The following RPH3AL variants were observed in gnomAD, a reference collection of about 807,000 sequenced individuals.
RPH3AL encodes rabphilin 3A like (without C2 domains).
In RPH3AL, 38 loss-of-function variants were observed where a neutral mutation model predicts 43.1. That is an observed-to-expected ratio of 0.88 (90% CI 0.68 to 1.15). The LOEUF (loss-of-function observed/expected upper bound fraction) is 1.15, where lower values mean the gene tolerates loss of function less well. Among genes scored for constraint, RPH3AL ranks in the 50% most tolerant of loss-of-function variants. The pLI, the probability that RPH3AL is intolerant of heterozygous loss-of-function variation, is 0.00. For synonymous variants in RPH3AL, 189 were observed against 176.3 expected (o/e 1.07, Z -0.57); for missense variants, 462 against 423.2 (o/e 1.09, Z -0.81).
chr17:284,363 C>A (rs1402774908), intron 5 of RPH3AL, among the ~76,000 whole-genome samples: 2 of 152,182 alleles, frequency 1.3e-5, no homozygotes, highest in Middle Eastern at 3.2e-3. Context: ...CGGTCACACC[C>A]TCCCCTGCCC....
chr17:324,788 C>T (rs1241046646), intron 3 of RPH3AL, among the ~76,000 whole-genome samples: 2 of 152,200 alleles, frequency 1.3e-5, no homozygotes, highest in African/African-American at 2.4e-5. Context: ...TGCAATGGCA[C>T]AATCTCAGCT....
intron 1 of RPH3AL, among the ~76,000 whole-genome samples, chr17:336,479 G>A (rs1017160816): frequency 6.6e-6 from 1 of 151,922 alleles, no homozygotes; most frequent in Non-Finnish European, 1.5e-5. Context: ...CGGGCACCCT[G>A]CCAGGTCTGC....
At chr17:282,367 G>A (rs1454744243) in intron 5 of RPH3AL, among the ~76,000 whole-genome samples, 14 of 152,188 alleles carry the variant, frequency 9.2e-5, no homozygotes, top group Admixed American at 2.0e-4. Context: ...CGTAAACTTT[G>A]GGCCCACGTT....
intron 5 of RPH3AL, among the ~76,000 whole-genome samples, chr17:302,502 G>A (rs1310005067): frequency 6.6e-6 from 1 of 152,224 alleles, no homozygotes; most frequent in African/African-American, 2.4e-5. Flanking sequence ...GTGCGGGGAG[G>A]AGAGAGGAAG....
At chr17:291,173 A>G (rs1477934897) in intron 5 of RPH3AL, among the ~76,000 whole-genome samples, 2 of 152,180 alleles carry the variant, frequency 1.3e-5, no homozygotes, top group Non-Finnish European at 2.9e-5. Context: ...TTATTCTAAG[A>G]ATGCCGAAAA....
At chr17:222,433 G>A (rs951136648) in intron 7 of RPH3AL, among the ~76,000 whole-genome samples, 11 of 152,176 alleles carry the variant, frequency 7.2e-5, no homozygotes, top group African/African-American at 4.8e-5. Context: ...TCACAAATGC[G>A]GAAGGGAACC....
intron 5 of RPH3AL, among the ~76,000 whole-genome samples, chr17:285,195 GT>G (rs2151611932): frequency 6.6e-6 from 1 of 151,230 alleles, no homozygotes; most frequent in East Asian, 1.9e-4. Context: ...AGAGCCCTCG[GT>G]CCCCCTGAGC....
chr17:304,161 G>GC lies in RPH3AL; in HGVS notation c.351+15258_351+15259insG. Among the ~76,000 whole-genome samples the GC allele has an allele frequency of 2.0e-5, 2 of 101,662 alleles. 1 individual carries two copies. Among genetic ancestry groups the GC allele is most frequent in the Non-Finnish European group, 4.0e-5 (2 of 49,962 alleles). 66.7% of individuals were successfully genotyped at this position (101,662 alleles called of 152,430 possible). A position where few individuals can be genotyped will look rare whatever the true frequency, so the allele number is the denominator to read the frequency against. ...AGCAGTGACCGTGTCTCAGGAAAGA[G>GC]TGGGGCAGGGAGGGAGGCTGTACTG... On this transcript the variant is annotated intron_variant, in intron 5 of 9. Coordinates refer to ENST00000331302, the MANE Select transcript of RPH3AL (RefSeq NM_006987.4).
intron 6 of RPH3AL, among the ~76,000 whole-genome samples, chr17:262,359 G>A (rs2042217252): frequency 6.6e-6 from 1 of 152,052 alleles, no homozygotes; most frequent in Non-Finnish European, 1.5e-5. Flanking sequence ...GGGATTACAG[G>A]CACCCGCCAC....
intron 6 of RPH3AL, among the ~76,000 whole-genome samples, chr17:273,351 CGTCAGGGAGAGACCCCAGCGAGGGT>C (rs2042562867): frequency 1.2e-5 from 1 of 84,320 alleles, no homozygotes; most frequent in African/African-American, 4.0e-5. Context: ...GCGAGGGTGA[CGTCAGGGAGAGACCCCAGCGAGGGT>C]GACGTCAGGG....
intron 5 of RPH3AL, among the ~76,000 whole-genome samples, chr17:293,026 C>T (rs910355706): frequency 2.6e-5 from 4 of 152,214 alleles, no homozygotes; most frequent in Non-Finnish European, 2.9e-5. Flanking sequence ...TGGCTGCTGG[C>T]GGCTCCCAGG....
At position 274,312 on chromosome 17, in the gene RPH3AL, A is replaced by ACCACCTGGGCCTCGCCTGC. The variant is rs1029818428; in HGVS notation, c.438+7437_438+7455dup. Among the ~76,000 whole-genome samples, 8 of 152,256 alleles carry ACCACCTGGGCCTCGCCTGC rather than the reference A, an allele frequency of 5.3e-5. No homozygotes were observed. Among genetic ancestry groups the ACCACCTGGGCCTCGCCTGC allele is most frequent in the African/African-American group, 1.9e-4 (8 of 41,558 alleles). ...GCGGGAGACGGGAGGCGTGCCATGGACCACCTGGGCCTCGCCTGCCCACCT... is the reference window on the plus strand; with the variant it reads ...GCGGGAGACGGGAGGCGTGCCATGGACCACCTGGGCCTCGCCTGCCCACCTGGGCCTCGCCTGCCCACCT... On this transcript the variant is annotated intron_variant, in intron 6 of 9. Transcript: ENST00000331302. This position sits in a 1 kb window ranked among gnomAD's most constrained non-coding sequence, Gnocchi z 4.7.
chr17:333,322 G>A lies in RPH3AL; in HGVS notation c.-37+437C>T, dbSNP rs950233985. ...GCGGTAGGATATTTTATCCTAAAGA[G>A]AAAACACCTTAAATTCTCACATCAG... On this transcript the variant is annotated intron_variant, in intron 2 of 9. Transcript: ENST00000331302. This position sits in a 1 kb window ranked among gnomAD's most constrained non-coding sequence, Gnocchi z 4.5. 2 of 1,279,120 alleles carry A rather than the reference G, an allele frequency of 1.6e-6. No homozygotes were observed. The highest frequency in any genetic ancestry group is 2.3e-5 in the Admixed American group (1 of 43,470). The allele number at this position is 1,279,120 out of a possible 1,614,324, so 79.2% of individuals were successfully genotyped here.
At chr17:315,103 AC>A (rs2043906513) in intron 5 of RPH3AL, among the ~76,000 whole-genome samples, 1 of 16,692 alleles carries the variant, frequency 6.0e-5, no homozygotes, top group South Asian at 2.3e-3. Context: ...AGTCCCTGTG[AC>A]CCCACCTCCA....
intron 3 of RPH3AL, among the ~76,000 whole-genome samples, chr17:324,562 G>C (rs956307725): frequency 6.6e-6 from 1 of 152,166 alleles, no homozygotes; most frequent in African/African-American, 2.4e-5. Context: ...TGGCTCCCTT[G>C]TGTTCTAGGC....
At chr17:315,398 G>A (rs1555519888) in intron 5 of RPH3AL, among the ~76,000 whole-genome samples, 1 of 143,620 alleles carries the variant, frequency 7.0e-6, no homozygotes, top group Non-Finnish European at 1.5e-5. Flanking sequence ...CCATTGACCT[G>A]TAGTCCCTGT....
rs1242855852 is a variant in RPH3AL at position 290,905 on chromosome 17, G to A, written c.352-9051C>T. Among the ~76,000 whole-genome samples, 3 of 152,138 alleles carry A rather than the reference G, an allele frequency of 2.0e-5. No homozygotes were observed. Among genetic ancestry groups the A allele is most frequent in the Admixed American group, 2.0e-4 (3 of 15,272 alleles). ...CACCATCCATGGCACAGAGAGGGCT[G>A]TTCATGAGCCTCACTCGACCGAAAA... is the stretch of plus-strand genomic sequence containing the variant. On this transcript the variant is annotated intron_variant, in intron 5 of 9. Transcript: ENST00000331302. The surrounding 1 kb of genome is among the most constrained non-coding windows in gnomAD (Gnocchi z 4.2).
intron 5 of RPH3AL, among the ~76,000 whole-genome samples, chr17:300,072 C>T (rs12947051): frequency 6.8e-4 from 25 of 36,538 alleles, no homozygotes; most frequent in Middle Eastern, 9.4e-3. Context: ...CAGAATCTCT[C>T]ACCCACTCTA....
Position 323,428 on chromosome 17 carries a change from C to G in RPH3AL, c.78-2013G>C, listed in dbSNP as rs1480570876. On this transcript the variant is annotated intron_variant, in intron 3 of 9. Coordinates refer to ENST00000331302, the MANE Select transcript of RPH3AL (RefSeq NM_006987.4). This position sits in a 1 kb window ranked among gnomAD's most constrained non-coding sequence, Gnocchi z 4.4. ...CTGCCTTGCTCCTATGAACTGCACA[C>G]ATGCAGGGGTTCAGGCCCCAAAAAG... Among the ~76,000 whole-genome samples the G allele has an allele frequency of 6.6e-6, 1 of 152,196 alleles. No individual in the cohort carries two copies. The highest frequency in any genetic ancestry group is 1.5e-5 in the Non-Finnish European group (1 of 68,018).
Sources: allele counts gnomAD v4.1 joint callset (sites outside exome capture counted in the v4.1 genomes callset), GRCh38; gene constraint gnomAD v4.1.1; non-coding constraint Gnocchi (gnomAD v3.1); transcripts MANE v1.5; gene names NCBI Gene and HGNC (gene_info 2026-07-23, HGNC 2026-07-21).